The following CACNA1I variants were observed in gnomAD, a reference collection of about 807,000 sequenced individuals.
The protein encoded by CACNA1I is voltage-dependent T-type calcium channel subunit alpha-1I.
A neutral mutation model predicts 201.6 loss-of-function variants in CACNA1I; 74 were observed. The ratio of observed to expected loss-of-function variants is 0.37; its 90% CI spans 0.30 to 0.45. The LOEUF (loss-of-function observed/expected upper bound fraction) is 0.45, where lower values mean the gene tolerates loss of function less well. CACNA1I is among the 20% of genes least tolerant of loss of function. CACNA1I has a pLI of 1.00. For synonymous variants in CACNA1I, 1,431 were observed against 1,345.2 expected, an observed-to-expected ratio of 1.06 and a Z score of -1.40; for missense variants, 2,346 against 3,138.1, an observed-to-expected ratio of 0.75 and a Z score of 6.03.
chr22:39,683,343 A>C (rs549576153), intron 35 of CACNA1I, among the ~76,000 whole-genome samples: 1 of 152,192 alleles, frequency 6.6e-6, no homozygotes, highest in East Asian at 1.9e-4. Flanking sequence ...CTCTGAGCCC[A>C]CCCCAAGTAC....
chr22:39,665,010 C>T lies in CACNA1I; in HGVS notation c.3851+87C>T. 1 of 1,231,518 alleles carries T rather than the reference C, an allele frequency of 8.1e-7. No homozygotes were observed. Among genetic ancestry groups the T allele is most frequent in the Admixed American group, 1.9e-5 (1 of 51,852 alleles). The allele number at this position is 1,231,518 out of a possible 1,614,324, so 76.3% of individuals were successfully genotyped here. A position where few individuals can be genotyped will look rare whatever the true frequency, so the allele number is the denominator to read the frequency against. On this transcript the variant is annotated intron_variant, in intron 21 of 36. Transcript: ENST00000402142. This position sits in a 1 kb window ranked among gnomAD's most constrained non-coding sequence, Gnocchi z 5.5. ...TCGAATTGGGCCCTCACTCCGCCCT[C>T]CCCGCCCGCCCACTCGGTCCTCCAA...
rs1934997587 is a variant in CACNA1I at position 39,661,212 on chromosome 22, C to T, written c.2803C>T (p.Arg935Ter). 2 of 1,612,200 alleles carry T rather than the reference C, an allele frequency of 1.2e-6. No homozygotes were observed. The highest frequency in any genetic ancestry group is 1.7e-6 in the Non-Finnish European group (2 of 1,179,350). ...TGCTGGGGCTGCGGGACCTGCCCCC[C>T]GACTCTCACTGCAGCCGGACCCCAT... ...GPAGAAGPAP[R>*]LSLQPDPMLV... The change falls in exon 16 of 37, where the codon CGA (arginine) becomes TGA (stop). Residue 935 changes from arginine to a stop codon, truncating the protein, a stop_gained. Coordinates refer to ENST00000402142, the MANE Select transcript of CACNA1I (RefSeq NM_021096.4). LOFTEE classifies it high-confidence loss of function.
intron 1 of CACNA1I, among the ~76,000 whole-genome samples, chr22:39,597,548 G>A (rs932790885): frequency 1.3e-5 from 2 of 152,252 alleles, no homozygotes; most frequent in African/African-American, 4.8e-5. Flanking sequence ...CCAGGACTGA[G>A]GGGCCCAGCC....
At chr22:39,679,654 G>A in intron 32 of CACNA1I, 68 bp from the exon 33 acceptor site, 1 of 1,445,004 alleles carries the variant, frequency 6.9e-7, no homozygotes, top group Non-Finnish European at 9.4e-7. Context: ...GCTGTGTCCT[G>A]CCCACCCCAC....
At chr22:39,647,667 G>C (rs1569078419) in intron 8 of CACNA1I, among the ~76,000 whole-genome samples, 155 bp from the exon 9 acceptor site, 1 of 152,162 alleles carries the variant, frequency 6.6e-6, no homozygotes, top group Non-Finnish European at 1.5e-5. Context: ...TCCCGCCTTG[G>C]CCTCCCAAAG....
intron 10 of CACNA1I, 43 bp from the exon 11 acceptor site, chr22:39,658,109 C>T (rs764128987): frequency 6.2e-7 from 1 of 1,606,992 alleles, no homozygotes; most frequent in Non-Finnish European, 8.5e-7. Context: ...CAGCTGCCCT[C>T]TGGCCTGACC....
intron 4 of CACNA1I, among the ~76,000 whole-genome samples, chr22:39,625,833 C>G (rs1200275166): frequency 6.6e-6 from 1 of 151,576 alleles, no homozygotes; most frequent in Non-Finnish European, 1.5e-5. Flanking sequence ...AAATGTGCCC[C>G]CGCCCCACCC....
intron 5 of CACNA1I, among the ~76,000 whole-genome samples, chr22:39,639,271 C>A (rs887476471): frequency 6.6e-6 from 1 of 152,306 alleles, no homozygotes; most frequent in Non-Finnish European, 1.5e-5. Flanking sequence ...GTTTGCCTAC[C>A]TCTGCTTTAT....
rs187014841 is a variant in CACNA1I at position 39,621,680 on chromosome 22, G to A, written c.580+2273G>A. Among the ~76,000 whole-genome samples, 998 of 152,240 alleles carry A rather than the reference G, an allele frequency of 6.6e-3. 6 individuals are homozygous for A. The highest frequency in any genetic ancestry group is 1.0e-2 in the Non-Finnish European group (680 of 68,016). ...TCAAGGTCACAATACGATAGAAAAC[G>A]CTGGGGGTCCTCAGTGCTACTGTGA... On this transcript the variant is annotated intron_variant, in intron 4 of 36. Transcript: ENST00000402142.
At chr22:39,584,424 C>T (rs893357703) in intron 1 of CACNA1I, among the ~76,000 whole-genome samples, 2 of 152,144 alleles carry the variant, frequency 1.3e-5, no homozygotes, top group Non-Finnish European at 2.9e-5. Flanking sequence ...CCAGAGACTT[C>T]CCAGCACTAT....
intron 1 of CACNA1I, among the ~76,000 whole-genome samples, chr22:39,571,290 G>C (rs1292626549): frequency 6.6e-6 from 1 of 152,180 alleles, no homozygotes; most frequent in African/African-American, 2.4e-5. Flanking sequence ...GCTGGGCTGG[G>C]AATGCAGATC....
intron 2 of CACNA1I, among the ~76,000 whole-genome samples, chr22:39,598,620 T>G (rs973684391): frequency 1.3e-5 from 2 of 152,130 alleles, no homozygotes; most frequent in African/African-American, 4.8e-5. Flanking sequence ...ACCCGCCACA[T>G]GCACACCTGC....
Position 39,665,854 on chromosome 22 carries a change from A to G in CACNA1I, c.3979-27A>G. The G allele has an allele frequency of 6.2e-7, 1 of 1,613,582 alleles. No homozygotes were observed. Among genetic ancestry groups the G allele is most frequent in the Non-Finnish European group, 8.5e-7 (1 of 1,179,766 alleles). Reference sequence around the variant, plus strand: ...CTGACTTGCAACCCTCACCTGTGAGAGCACCAACCTCACCCCCTTTCCCCA... The same window carrying G: ...CTGACTTGCAACCCTCACCTGTGAGGGCACCAACCTCACCCCCTTTCCCCA... On this transcript the variant is annotated intron_variant, in intron 22 of 36. Coordinates refer to ENST00000402142, the MANE Select transcript of CACNA1I (RefSeq NM_021096.4). This position sits in a 1 kb window ranked among gnomAD's most constrained non-coding sequence, Gnocchi z 5.5.
intron 3 of CACNA1I, among the ~76,000 whole-genome samples, chr22:39,610,396 G>A (rs890138212): frequency 6.6e-6 from 1 of 152,176 alleles, no homozygotes; most frequent in Non-Finnish European, 1.5e-5. Flanking sequence ...ACTGGGGAAG[G>A]TTCCAATAGG....
chr22:39,682,757 C>T, intron 35 of CACNA1I, 96 bp downstream of exon 35: 1 of 1,055,072 alleles, frequency 9.5e-7, no homozygotes, highest in Non-Finnish European at 1.4e-6. Context: ...TATTTTTACC[C>T]AGATTATTAT....
At chr22:39,636,343 TC>T (rs1601483168) in intron 5 of CACNA1I, among the ~76,000 whole-genome samples, 1 of 151,962 alleles carries the variant, frequency 6.6e-6, no homozygotes, top group South Asian at 2.1e-4. Context: ...TCCACCCCCA[TC>T]CCCGCCCCAG....
intron 3 of CACNA1I, among the ~76,000 whole-genome samples, chr22:39,604,539 G>A (rs980825734): frequency 1.3e-5 from 2 of 152,282 alleles, no homozygotes; most frequent in Admixed American, 1.3e-4. Context: ...TTTGCACCAA[G>A]TCCCACAATG....
chr22:39,674,143 C>G, intron 29 of CACNA1I, 110 bp downstream of exon 29: 1 of 1,002,198 alleles, frequency 1.0e-6, no homozygotes, highest in East Asian at 2.5e-5. Context: ...AGAGCCAGGG[C>G]AGATGCTGTC....
At chr22:39,678,172 C>A in intron 31 of CACNA1I, 64 bp downstream of exon 31, 1 of 1,561,818 alleles carries the variant, frequency 6.4e-7, no homozygotes, top group South Asian at 1.2e-5. Flanking sequence ...GATGCTGGTC[C>A]TGCTGCTCAG....
Sources: gnomAD v4.1 joint callset for allele counts (sites outside exome capture counted in the v4.1 genomes callset) on GRCh38, gnomAD v4.1.1 for gene constraint, Gnocchi (gnomAD v3.1) non-coding constraint, MANE v1.5 for transcripts, NCBI Gene and HGNC (gene_info 2026-07-23, HGNC 2026-07-21) for gene names.